The following NCKAP5L variants were observed in gnomAD, a reference collection of about 807,000 sequenced individuals.
The protein encoded by NCKAP5L is nck-associated protein 5-like.
NCKAP5L carries 54 observed loss-of-function variants against 103.2 expected under a neutral mutation model. That is an observed-to-expected ratio of 0.52 (90% CI 0.42 to 0.66). The LOEUF (loss-of-function observed/expected upper bound fraction) is 0.66, where lower values mean the gene tolerates loss of function less well. Ranked by LOEUF, NCKAP5L falls within the 30% of genes least tolerant of loss-of-function variation. The pLI is 0.00. For missense variants in NCKAP5L, 1,733 were observed against 1,750.6 expected (o/e 0.99, Z 0.18); for synonymous variants, 762 against 748.6 (o/e 1.02, Z -0.29).
rs116603614 is a variant in NCKAP5L at position 49,802,841 on chromosome 12, C to T, written c.231+117G>A. The T allele has an allele frequency of 4.2e-4, 535 of 1,269,056 alleles. 3 individuals carry two copies. The African/African-American group carries it at 5.9e-3, about 14-fold the overall frequency. The allele number at this position is 1,269,056 out of a possible 1,614,324, so 78.6% of individuals were successfully genotyped here. On this transcript the variant is annotated intron_variant, in intron 5 of 12. Coordinates refer to ENST00000335999, the MANE Select transcript of NCKAP5L (RefSeq NM_001037806.4). ...TAGAACAGAATGGACCCGCCCAAGG[C>T]GGAAAGACGGGGAATCACTGGAGGG...
chr12:49,808,361 C>A (rs2137021690), intron 1 of NCKAP5L, among the ~76,000 whole-genome samples: 1 of 152,340 alleles, frequency 6.6e-6, no homozygotes, highest in South Asian at 2.1e-4. Flanking sequence ...GGTCTGGGGT[C>A]AGCCCAGGAT....
chr12:49,800,962 G>A (rs919448593), intron 6 of NCKAP5L, among the ~76,000 whole-genome samples: 2 of 152,236 alleles, frequency 1.3e-5, no homozygotes, highest in African/African-American at 2.4e-5. Flanking sequence ...CTAGGGCAAG[G>A]AGAACTGCAG....
At chr12:49,803,448 G>A (rs1306795668) in intron 3 of NCKAP5L, among the ~76,000 whole-genome samples, 1 of 152,156 alleles carries the variant, frequency 6.6e-6, no homozygotes, top group Non-Finnish European at 1.5e-5. Flanking sequence ...GAGGTGGGAG[G>A]TGCCCACAGT....
Position 49,793,717 on chromosome 12 carries a change from CT to C in NCKAP5L, c.3258+16del, listed in dbSNP as rs776903866. 3 of 1,534,762 alleles carry C rather than the reference CT, an allele frequency of 2.0e-6. No individual in the cohort carries two copies. The African/African-American group carries it at 4.1e-5, about 21-fold the overall frequency. On this transcript the variant is annotated intron_variant, in intron 9 of 12. Coordinates refer to ENST00000335999, the MANE Select transcript of NCKAP5L (RefSeq NM_001037806.4). ...GAGAGCCAGGCCGTCCACCCAGTCC[CT>C]ACCCCAAGAACTTACCTTTCCAGGA...
chr12:49,812,832 A>G (rs1946255504), intron 1 of NCKAP5L, among the ~76,000 whole-genome samples: 1 of 152,210 alleles, frequency 6.6e-6, no homozygotes, highest in Non-Finnish European at 1.5e-5. Context: ...TGGCATCCCC[A>G]GGGGATTGGA....
intron 6 of NCKAP5L, among the ~76,000 whole-genome samples, chr12:49,800,484 G>A (rs1411776725): frequency 6.6e-5 from 10 of 152,234 alleles, no homozygotes; most frequent in Non-Finnish European, 1.5e-4. Context: ...GTGCAAAGGG[G>A]CTTTCACCCT....
chr12:49,811,185 T>A (rs932364045), intron 1 of NCKAP5L, among the ~76,000 whole-genome samples: 1 of 152,180 alleles, frequency 6.6e-6, no homozygotes, highest in African/African-American at 2.4e-5. Flanking sequence ...GCAAAGGGAC[T>A]CCTGTCCCCA....
At position 49,794,843 on chromosome 12, in the gene NCKAP5L, G is replaced by A. The variant is rs562062839; in HGVS notation, c.3017C>T (p.Thr1006Met). Residue 1006 changes from threonine (T) to methionine (M), a missense_variant, in exon 8 of 13, where the codon ACG (threonine) becomes ATG (methionine). Physicochemically the swap from Thr to Met is moderately conservative, Grantham distance 81. Transcript: ENST00000335999. ...CTGGCCCTGCACCTGCCCCAGCCCC[G>A]TGTTGGGCCCTGGGGCTGGGCCACC... ...RPGGPAPGPN[T>M]GLGQVQGQLA... is the part of the protein sequence containing the mutation. 46 of 1,520,892 alleles carry A rather than the reference G, an allele frequency of 3.0e-5. 1 individual carries two copies. In the South Asian group the frequency reaches 3.4e-4, roughly 11 times the overall value. 94.2% of individuals were successfully genotyped at this position (1,520,892 alleles called of 1,614,324 possible).
Position 49,796,780 on chromosome 12 carries a change from T to C in NCKAP5L, c.1080A>G (p.Ser360=). The C allele has an allele frequency of 6.2e-7, 1 of 1,613,706 alleles. No individual in the cohort carries two copies. Among genetic ancestry groups the C allele is most frequent in the Non-Finnish European group, 8.5e-7 (1 of 1,179,812 alleles). Residue 360 remains serine, a synonymous_variant, in exon 8 of 13, where the codon TCA becomes TCG. Coordinates refer to ENST00000335999, the MANE Select transcript of NCKAP5L (RefSeq NM_001037806.4). ...LNGDHPGPGQ[S]SSPDQAPPQL... ...GTGGGGGCGCCTGGTCTGGGGAGGA[T>C]GACTGCCCAGGACCTGGGTGGTCCC...
At position 49,811,162 on chromosome 12, in the gene NCKAP5L, A is replaced by G. The variant is rs1035514890; in HGVS notation, c.-98-5121T>C. On this transcript the variant is annotated intron_variant, in intron 1 of 12. Transcript: ENST00000335999. ...TTCTAGGACAATGCTTCTTTCCACA[A>G]GGAGTGGGTGTTGCAAAGGGACTCC... Among the ~76,000 whole-genome samples, 4 of 152,300 alleles carry G rather than the reference A, an allele frequency of 2.6e-5. No individual in the cohort carries two copies. In the East Asian group the frequency reaches 7.7e-4, roughly 29 times the overall value.
Position 49,798,411 on chromosome 12 carries a change from A to G in NCKAP5L, c.404T>C (p.Leu135Pro), listed in dbSNP as rs1946082460. The G allele has an allele frequency of 2.5e-6, 4 of 1,580,042 alleles. No homozygotes were observed. Among genetic ancestry groups the G allele is most frequent in the Admixed American group, 1.8e-5 (1 of 54,396 alleles). Residue 135 changes from leucine (L) to proline (P), a missense_variant, in exon 7 of 13, where the codon CTG (leucine) becomes CCG (proline). Coordinates refer to ENST00000335999, the MANE Select transcript of NCKAP5L (RefSeq NM_001037806.4). ...GGCAGCCGGTCCCTCAGTGGAGCTC[A>G]GGGAGGGGGAGGCTGGTGGCTCTGA... ...PPSEPPASPSLSSTEGPAAPL... is the reference protein window; with the variant it reads ...PPSEPPASPSPSSTEGPAAPL...
At position 49,792,132 on chromosome 12, in the gene NCKAP5L, G is replaced by A. The variant is rs987471331; in HGVS notation, c.3793-81C>T. 1.6e-5 allele frequency: 21 copies of A among 1,291,252 alleles called. No homozygotes were observed. Among genetic ancestry groups the A allele is most frequent in the African/African-American group, 1.5e-4 (10 of 67,688 alleles). The allele number at this position is 1,291,252 out of a possible 1,614,324, so 80.0% of individuals were successfully genotyped here. ...TCAGAGGCACTGAGCTCTGAGGGGCGTCTGTGCACCTGATGGGGGGCTGCT... is the reference window on the plus strand; with the variant it reads ...TCAGAGGCACTGAGCTCTGAGGGGCATCTGTGCACCTGATGGGGGGCTGCT... On this transcript the variant is annotated intron_variant, in intron 12 of 12. Coordinates refer to ENST00000335999, the MANE Select transcript of NCKAP5L (RefSeq NM_001037806.4). This position sits in a 1 kb window ranked among gnomAD's most constrained non-coding sequence, Gnocchi z 4.5.
chr12:49,796,713 C>A lies in NCKAP5L; in HGVS notation c.1147G>T (p.Gly383Trp). 1 of 1,604,220 alleles carries A rather than the reference C, an allele frequency of 6.2e-7. No individual in the cohort carries two copies. Among genetic ancestry groups the A allele is most frequent in the Non-Finnish European group, 8.5e-7 (1 of 1,175,440 alleles). Residue 383 changes from glycine to tryptophan, a missense_variant, in exon 8 of 13, where the codon GGG (glycine) becomes TGG (tryptophan). By Grantham distance (184) the Gly-to-Trp change is radical. Coordinates refer to ENST00000335999, the MANE Select transcript of NCKAP5L (RefSeq NM_001037806.4). The stretch of plus-strand genomic sequence containing the variant: ...GGCCTGTGGGCCTCTGGGGTACCCC[C>A]ACCCCAAGCTGACTTGGGGAGGCCT... ...SKGLPKSAWG[G>W]GTPEAHRPGF...
chr12:49,820,402 C>T (rs1946348308), intron 1 of NCKAP5L, among the ~76,000 whole-genome samples: 1 of 151,426 alleles, frequency 6.6e-6, no homozygotes, highest in Non-Finnish European at 1.5e-5. Flanking sequence ...CTGCAACCTC[C>T]ATCTCCCGGG....
Position 49,791,969 on chromosome 12 carries a change from C to A in NCKAP5L, c.3875G>T (p.Arg1292Leu), listed in dbSNP as rs770808668. The A allele has an allele frequency of 1.9e-6, 3 of 1,609,072 alleles. No homozygotes were observed. The highest frequency in any genetic ancestry group is 2.5e-6 in the Non-Finnish European group (3 of 1,178,154). ...GGCCATGTCCGAAGTGCTGGGGGTG[C>A]GGCTACCCCCGAAAGGTGGGCCCTG... ...TPQGPPFGGSRTPSTSDMAEE... is the reference protein window; with the variant it reads ...TPQGPPFGGSLTPSTSDMAEE... Residue 1292 changes from arginine (R) to leucine (L), a missense_variant, in exon 13 of 13, where the codon CGC becomes CTC. Arg to Leu is a moderately radical substitution (Grantham distance 102). Transcript: ENST00000335999.
At chr12:49,807,182 C>T (rs1366658419) in intron 1 of NCKAP5L, among the ~76,000 whole-genome samples, 1 of 152,122 alleles carries the variant, frequency 6.6e-6, no homozygotes, top group East Asian at 1.9e-4. Flanking sequence ...CTTCTATACC[C>T]CAGAAAGAGA....
chr12:49,822,110 G>C (rs940383911), intron 1 of NCKAP5L, among the ~76,000 whole-genome samples: 1 of 152,128 alleles, frequency 6.6e-6, no homozygotes, highest in African/African-American at 2.4e-5. Flanking sequence ...AAAGAGGCCT[G>C]GTGAGATTCC....
chr12:49,814,350 G>T (rs974427708), intron 1 of NCKAP5L, among the ~76,000 whole-genome samples: 5 of 151,288 alleles, frequency 3.3e-5, no homozygotes, highest in African/African-American at 1.2e-4. Flanking sequence ...TGGGTGTGGT[G>T]GTGTGCGCCT....
Position 49,797,164 on chromosome 12 carries a change from C to T in NCKAP5L, c.696G>A (p.Pro232=), listed in dbSNP as rs367887084. The change falls in exon 8 of 13, where the codon CCG becomes CCA. Residue 232 remains proline (P), a synonymous_variant. Transcript: ENST00000335999. This position sits in a 1 kb window ranked among gnomAD's most constrained non-coding sequence, Gnocchi z 4.5. The part of the protein sequence containing the change: ...PEPINGELCG[P]PQPEPSPWAP... ...CCCAGGGTGAGGGTTCAGGCTGAGG[C>T]GGGCCACACAGCTCGCCGTTGATGG... 1.3e-4 allele frequency: 206 copies of T among 1,610,640 alleles called. 3 individuals are homozygous for T. The South Asian group carries it at 1.8e-3, about 14-fold the overall frequency.
Sources: allele counts gnomAD v4.1 joint callset (sites outside exome capture counted in the v4.1 genomes callset), GRCh38; gene constraint gnomAD v4.1.1; non-coding constraint Gnocchi (gnomAD v3.1); transcripts MANE v1.5; gene names NCBI Gene and HGNC (gene_info 2026-07-23, HGNC 2026-07-21).